Variants in WDR3 observed in about 807,000 individuals in gnomAD.
WDR3 encodes WD repeat domain 3.
Under a neutral mutation model 123.7 loss-of-function variants are expected in WDR3, and 81 were observed. That is an observed-to-expected ratio of 0.65 (90% CI 0.55 to 0.79). The LOEUF is 0.79. Among genes scored for constraint, WDR3 ranks in the 30% least tolerant of loss-of-function variants. The pLI, the probability that WDR3 is intolerant of heterozygous loss-of-function variation, is 0.00. For synonymous variants in WDR3, 390 were observed against 388.8 expected, an observed-to-expected ratio of 1.00 and a Z score of -0.04; for missense variants, 1,027 against 1,123.2, an observed-to-expected ratio of 0.91 and a Z score of 1.22.
At position 117,959,462 on chromosome 1, in the gene WDR3, A is replaced by G. The variant is rs533092612; in HGVS notation, c.*15A>G. On this transcript the variant is annotated 3_prime_UTR_variant, in exon 27 of 27. Transcript: ENST00000349139. ...CGTTGACTTAGAACTGAAATGTGGT[A>G]TCTTTTTTTTTTTCAACTTTTTCCT... 1 of 1,574,412 alleles carries G rather than the reference A, an allele frequency of 6.4e-7. No homozygotes were observed. Among genetic ancestry groups the G allele is most frequent in the East Asian group, 2.3e-5 (1 of 44,268 alleles).
chr1:117,947,975 C>A (rs1651469569), intron 12 of WDR3, among the ~76,000 whole-genome samples: 1 of 152,156 alleles, frequency 6.6e-6, no homozygotes, highest in Admixed American at 6.5e-5. Context: ...AAACCAAAAG[C>A]AGATGGAAAA....
chr1:117,939,532 A>T lies in WDR3; in HGVS notation c.635A>T (p.Asp212Val), dbSNP rs201234081. Residue 212 changes from aspartate (D) to valine (V), a missense_variant, in exon 6 of 27, where the codon GAC (aspartate) becomes GTC (valine). Asp to Val is a radical substitution (Grantham distance 152). Transcript: ENST00000349139. Reference protein sequence around the residue: ...EEKRLITGASDSELRVWDIAY... With the variant: ...EEKRLITGASVSELRVWDIAY... ...AAGCGACTCATCACTGGGGCCTCAG[A>T]CAGTGAACTGAGGGTATGGGACATA... The T allele has an allele frequency of 8.7e-6, 14 of 1,613,728 alleles. No individual in the cohort carries two copies. Among genetic ancestry groups the T allele is most frequent in the Non-Finnish European group, 1.2e-5 (14 of 1,179,760 alleles).
At position 117,933,432 on chromosome 1, in the gene WDR3, A is replaced by T. The variant is rs553284648; in HGVS notation, c.113A>T (p.Tyr38Phe). The T allele has an allele frequency of 1.2e-6, 2 of 1,614,196 alleles. No homozygotes were observed. The highest frequency in any genetic ancestry group is 1.3e-5 in the African/African-American group (1 of 75,042). ...ACACTTCGTGGTGAGAAAGGACGTT[A>T]TGTGGCAGTACCAGCTTGTGAACAC... is the stretch of plus-strand genomic sequence containing the variant. Reference protein sequence around the residue: ...FVTLRGEKGRYVAVPACEHVF... With the variant: ...FVTLRGEKGRFVAVPACEHVF... The change falls in exon 2 of 27, where the codon TAT (tyrosine) becomes TTT (phenylalanine). Residue 38 changes from tyrosine to phenylalanine, a missense_variant. Coordinates refer to ENST00000349139, the MANE Select transcript of WDR3 (RefSeq NM_006784.3).
chr1:117,931,022 A>T (rs1650697021), intron 1 of WDR3, among the ~76,000 whole-genome samples: 1 of 152,160 alleles, frequency 6.6e-6, no homozygotes, highest in African/African-American at 2.4e-5. Context: ...ATCATAGCTC[A>T]CTGCAACCTC....
At chr1:117,950,217 A>G in intron 15 of WDR3, 87 bp downstream of exon 15, 4 of 1,507,192 alleles carry the variant, frequency 2.7e-6, no homozygotes, top group South Asian at 2.5e-5. Context: ...AGTGGCCTTG[A>G]CTGTGCCCAG....
intron 10 of WDR3, 51 bp from the exon 11 acceptor site, chr1:117,943,345 C>T (rs1488555398): frequency 1.4e-6 from 2 of 1,479,872 alleles, no homozygotes; most frequent in Non-Finnish European, 1.9e-6. Flanking sequence ...AAAAGTAAAC[C>T]TTGTGAGCTA....
chr1:117,954,870 G>T (rs1479787092), intron 23 of WDR3, among the ~76,000 whole-genome samples: 1 of 152,036 alleles, frequency 6.6e-6, no homozygotes, highest in African/African-American at 2.4e-5. Flanking sequence ...TCTAGTGCCT[G>T]TTTATGTTCA....
At chr1:117,946,382 C>G (rs1651382110) in intron 12 of WDR3, among the ~76,000 whole-genome samples, 1 of 151,842 alleles carries the variant, frequency 6.6e-6, no homozygotes, top group Non-Finnish European at 1.5e-5. Context: ...AAATCATGAC[C>G]CTGAGATAAC....
intron 23 of WDR3, 97 bp from the exon 24 acceptor site, chr1:117,955,215 TAAG>T (rs1241285866): frequency 3.2e-5 from 31 of 976,196 alleles, no homozygotes; most frequent in Non-Finnish European, 4.0e-5. Context: ...TTTTCTGAAG[TAAG>T]AAGGAGGGGT....
Position 117,948,909 on chromosome 1 carries a change from C to A in WDR3, c.1524+403C>A, listed in dbSNP as rs761798413. Among the ~76,000 whole-genome samples the A allele has an allele frequency of 5.9e-4, 90 of 152,100 alleles. 3 individuals are homozygous for A. Among genetic ancestry groups the A allele is most frequent in the Non-Finnish European group, 1.2e-4 (8 of 68,020 alleles). On this transcript the variant is annotated intron_variant, in intron 13 of 26. Coordinates refer to ENST00000349139, the MANE Select transcript of WDR3 (RefSeq NM_006784.3). ...GCCCTTACAAGTCAATAAATATGTG[C>A]TCACCTTCAGAGCAGTTCCTGGCAA...
At chr1:117,949,661 A>C in intron 13 of WDR3, 90 bp from the exon 14 acceptor site, 1 of 1,420,044 alleles carries the variant, frequency 7.0e-7, no homozygotes, top group Admixed American at 2.2e-5. Context: ...ACGTTAAATA[A>C]AAATACTTTC....
chr1:117,952,780 G>A, intron 19 of WDR3, 118 bp downstream of exon 19: 1 of 1,465,444 alleles, frequency 6.8e-7, no homozygotes. Flanking sequence ...AGAACCTTCA[G>A]GAGATCTTTT....
At chr1:117,956,924 C>A in intron 24 of WDR3, 144 bp from the exon 25 acceptor site, 2 of 605,208 alleles carry the variant, frequency 3.3e-6, no homozygotes, top group African/African-American at 1.9e-5. Flanking sequence ...AGTCATCTAG[C>A]TTACAGATGA....
chr1:117,950,271 T>A, intron 15 of WDR3, 141 bp downstream of exon 15: 2 of 1,057,112 alleles, frequency 1.9e-6, no homozygotes, highest in Non-Finnish European at 2.7e-6. Context: ...CAAAGCAATG[T>A]AACTATGCTA....
chr1:117,957,038 G>A, intron 24 of WDR3, 30 bp from the exon 25 acceptor site: 1 of 1,529,270 alleles, frequency 6.5e-7, no homozygotes, highest in Admixed American at 2.2e-5. Flanking sequence ...AACAAATGTG[G>A]CATTTTTATA....
Position 117,940,937 on chromosome 1 carries a change from G to T in WDR3, c.786G>T (p.Glu262Asp). The change falls in exon 7 of 27, where the codon GAG becomes GAT. Residue 262 changes from glutamate (E) to aspartate (D), a missense_variant. Physicochemically the swap from Glu to Asp is conservative, Grantham distance 45. Coordinates refer to ENST00000349139, the MANE Select transcript of WDR3 (RefSeq NM_006784.3). ...DGAFETDEAP[E>D]DRILSCRKAG... ...CCTTTGAGACGGATGAAGCCCCTGAGGATGTAATTCATTTTCATTTCTTAA... is the reference window on the plus strand; with the variant it reads ...CCTTTGAGACGGATGAAGCCCCTGATGATGTAATTCATTTTCATTTCTTAA... The T allele has an allele frequency of 6.2e-7, 1 of 1,607,434 alleles. No individual in the cohort carries two copies. Among genetic ancestry groups the T allele is most frequent in the Non-Finnish European group, 8.5e-7 (1 of 1,178,220 alleles).
Position 117,942,640 on chromosome 1 carries a change from T to C in WDR3, c.1097+96T>C, listed in dbSNP as rs552296344. The C allele has an allele frequency of 2.0e-5, 22 of 1,110,296 alleles. No individual in the cohort carries two copies. The East Asian group carries it at 4.0e-4, about 20-fold the overall frequency. The allele number at this position is 1,110,296 out of a possible 1,614,324, so 68.8% of individuals were successfully genotyped here. ...ATTTGTAAGCTGTCTGTATGAATTA[T>C]ATATGTGGAGACGGTGGTCATGAGA... On this transcript the variant is annotated intron_variant, in intron 10 of 26. Coordinates refer to ENST00000349139, the MANE Select transcript of WDR3 (RefSeq NM_006784.3).
At chr1:117,930,624 A>G (rs1398239914) in intron 1 of WDR3, among the ~76,000 whole-genome samples, 1 of 152,170 alleles carries the variant, frequency 6.6e-6, no homozygotes, top group Non-Finnish European at 1.5e-5. Context: ...AGAGTGAAAA[A>G]CATGGAGGCG....
chr1:117,954,092 G>A lies in WDR3; in HGVS notation c.2354G>A (p.Gly785Glu), dbSNP rs1241855640. The change falls in exon 22 of 27, where the codon GGG becomes GAG. Residue 785 changes from glycine to glutamate, a missense_variant. Coordinates refer to ENST00000349139, the MANE Select transcript of WDR3 (RefSeq NM_006784.3). ...CACAAAGCCATTTGTAAAGCTGCAGGGAAAGAGGTAATAAGAGAGTACAGT... is the reference window on the plus strand; with the variant it reads ...CACAAAGCCATTTGTAAAGCTGCAGAGAAAGAGGTAATAAGAGAGTACAGT... ...KEHKAICKAA[G>E]KEVPLPSNPI... 6.2e-7 allele frequency: 1 copy of A among 1,611,636 alleles called. No homozygotes were observed. Among genetic ancestry groups the A allele is most frequent in the South Asian group, 1.1e-5 (1 of 90,940 alleles).
Sources: gnomAD v4.1 joint callset for allele counts (sites outside exome capture counted in the v4.1 genomes callset) on GRCh38, gnomAD v4.1.1 for gene constraint, MANE v1.5 for transcripts, NCBI Gene and HGNC (gene_info 2026-07-23, HGNC 2026-07-21) for gene names.